TP53BP1: variants seen among roughly 807,000 people sequenced by gnomAD.
The protein encoded by TP53BP1 is tumor protein p53 binding protein 1, also known as TP53-binding protein 1.
In TP53BP1, 61 loss-of-function variants were observed where a neutral mutation model predicts 200.8. That is an observed-to-expected ratio of 0.30 (90% CI 0.25 to 0.38). The LOEUF is 0.38. TP53BP1 is among the 10% of genes least tolerant of loss of function. TP53BP1 has a pLI of 1.00. For missense variants in TP53BP1, 2,144 were observed against 2,371.9 expected (o/e 0.90, Z 2.00); for synonymous variants, 822 against 844.3 (o/e 0.97, Z 0.46).
intron 17 of TP53BP1, among the ~76,000 whole-genome samples, chr15:43,430,900 T>C (rs2045653548): frequency 6.6e-6 from 1 of 152,144 alleles, no homozygotes; most frequent in African/African-American, 2.4e-5. Flanking sequence ...ATTAAGACCT[T>C]TTACCTTTTC....
At chr15:43,447,532 T>TA (rs746432158) in intron 12 of TP53BP1, 47 bp from the exon 13 acceptor site, 205 of 1,408,510 alleles carry the variant, frequency 1.5e-4, no homozygotes, top group Middle Eastern at 5.0e-4. Flanking sequence ...AAAAATGATT[T>TA]AAAAAAAACA....
intron 18 of TP53BP1, among the ~76,000 whole-genome samples, chr15:43,425,996 C>T (rs10467909): frequency 0.015 from 2,144 of 147,700 alleles, 59 homozygotes; most frequent in African/African-American, 0.052. Flanking sequence ...ACCCAGGAGG[C>T]GGAGCTTGCA....
Position 43,481,965 on chromosome 15 carries a change from C to A in TP53BP1, c.372-943G>T, listed in dbSNP as rs1383423540. On this transcript the variant is annotated intron_variant, in intron 4 of 27. Coordinates refer to ENST00000382044, the MANE Select transcript of TP53BP1 (RefSeq NM_001141980.3). ...AACACCGACCAGGCACGGTGGCTCA[C>A]GCCTGTAATCCCAGCACTTTGGGAG... Among the ~76,000 whole-genome samples the A allele has an allele frequency of 2.0e-5, 3 of 152,094 alleles. No homozygotes were observed. The East Asian group carries it at 5.8e-4, about 30-fold the overall frequency.
At position 43,432,273 on chromosome 15, in the gene TP53BP1, G is replaced by C; in HGVS notation, c.3596C>G (p.Ala1199Gly). 1 of 1,614,148 alleles carries C rather than the reference G, an allele frequency of 6.2e-7. No homozygotes were observed. Among genetic ancestry groups the C allele is most frequent in the Non-Finnish European group, 8.5e-7 (1 of 1,180,024 alleles). The change falls in exon 17 of 28, where the codon GCC becomes GGC. Residue 1199 changes from alanine to glycine, a missense_variant. Transcript: ENST00000382044. ...TVDQNFGKQD[A>G]TVQTERGSGE... ...ACTCCCCCTCTCAGTCTGAACTGTG[G>C]CATCTTGCTTTCCAAAGTTCTGGTC...
chr15:43,432,656 T>C lies in TP53BP1; in HGVS notation c.3213A>G (p.Pro1071=), dbSNP rs745876071. The C allele has an allele frequency of 8.1e-6, 13 of 1,604,062 alleles. No homozygotes were observed. In the South Asian group the frequency reaches 1.3e-4, roughly 16 times the overall value. ...CTTTCTCCTCTTCTCCTTGAGAACT[T>C]GGAAAGTGGAGCAAGTTCCCCCTGA... is the stretch of plus-strand genomic sequence containing the variant. ...TPIRGNLLHF[P]SSQGEEEKEK... The change falls in exon 17 of 28, where the codon CCA becomes CCG. Residue 1071 remains proline, a synonymous_variant. Coordinates refer to ENST00000382044, the MANE Select transcript of TP53BP1 (RefSeq NM_001141980.3).
chr15:43,477,824 T>C (rs2078906564), intron 7 of TP53BP1, 65 bp from the exon 8 acceptor site: 2 of 1,310,426 alleles, frequency 1.5e-6, no homozygotes, highest in South Asian at 1.9e-5. Flanking sequence ...TAAAAAGCTT[T>C]TCCTGTTTTG....
chr15:43,479,745 A>G (rs1376340113), intron 6 of TP53BP1, 114 bp downstream of exon 6: 4 of 1,347,650 alleles, frequency 3.0e-6, no homozygotes, highest in Middle Eastern at 2.2e-4. Flanking sequence ...ACCTTACTAA[A>G]TTACTTAGAT....
chr15:43,432,065 T>A, intron 17 of TP53BP1, 129 bp downstream of exon 17: 2 of 1,332,458 alleles, frequency 1.5e-6, no homozygotes, highest in Non-Finnish European at 2.0e-6. Context: ...GTTGTTTTTG[T>A]CTTTTAACCA....
At chr15:43,412,468 A>G (rs986287058) in intron 24 of TP53BP1, among the ~76,000 whole-genome samples, 1 of 152,146 alleles carries the variant, frequency 6.6e-6, no homozygotes, top group Admixed American at 6.5e-5. Flanking sequence ...CTCCTAGATC[A>G]CTCATTTTTC....
intron 22 of TP53BP1, 37 bp from the exon 23 acceptor site, chr15:43,415,846 T>C (rs2045253680): frequency 1.3e-6 from 2 of 1,575,870 alleles, no homozygotes; most frequent in East Asian, 2.2e-5. Flanking sequence ...GGTCAAACTC[T>C]ATGGTATGAG....
intron 12 of TP53BP1, among the ~76,000 whole-genome samples, chr15:43,450,016 T>C (rs1043922921): frequency 6.6e-6 from 1 of 152,232 alleles, no homozygotes; most frequent in Non-Finnish European, 1.5e-5. Context: ...TTTCCACATA[T>C]TCCATTATTT....
intron 12 of TP53BP1, among the ~76,000 whole-genome samples, chr15:43,448,190 A>G (rs889297265): frequency 6.6e-6 from 1 of 152,196 alleles, no homozygotes; most frequent in African/African-American, 2.4e-5. Context: ...TTATAAATAG[A>G]AAATATTTGT....
In TP53BP1 at chr15:43,432,183, T is replaced by C. The variant is rs1184524523; in HGVS notation, c.3675+11A>G. On this transcript the variant is annotated intron_variant, in intron 17 of 27. Coordinates refer to ENST00000382044, the MANE Select transcript of TP53BP1 (RefSeq NM_001141980.3). The stretch of plus-strand genomic sequence containing the variant: ...ACAAGGCCTCTGATGCACCCTAGTA[T>C]GTTCTCTCACCTGGCTATGGAGCGA... 3.1e-6 allele frequency: 5 copies of C among 1,611,656 alleles called. No individual in the cohort carries two copies. The South Asian group carries it at 5.5e-5, about 18-fold the overall frequency.
At position 43,432,688 on chromosome 15, in the gene TP53BP1, A is replaced by G; in HGVS notation, c.3192-11T>C. ...TGGAGCAAGTTCCCCCTGAAAATGCAACATATAAAGAAGCCATGTCAATTA... is the reference window on the plus strand; with the variant it reads ...TGGAGCAAGTTCCCCCTGAAAATGCGACATATAAAGAAGCCATGTCAATTA... On this transcript the variant is annotated splice_polypyrimidine_tract_variant and intron_variant, in intron 16 of 27. Transcript: ENST00000382044. 1.9e-6 allele frequency: 3 copies of G among 1,593,646 alleles called. No homozygotes were observed. The highest frequency in any genetic ancestry group is 2.6e-6 in the Non-Finnish European group (3 of 1,169,150).
rs1462023018 is a variant in TP53BP1 at position 43,404,266 on chromosome 15, T to G, written c.*3117A>C. 2 of 864,516 alleles carry G rather than the reference T, an allele frequency of 2.3e-6. No individual in the cohort carries two copies. The highest frequency in any genetic ancestry group is 3.5e-6 in the Non-Finnish European group (2 of 573,784). 53.6% of individuals were successfully genotyped at this position (864,516 alleles called of 1,614,324 possible). A position where few individuals can be genotyped will look rare whatever the true frequency, so the allele number is the denominator to read the frequency against. On this transcript the variant is annotated 3_prime_UTR_variant, in exon 28 of 28. Coordinates refer to ENST00000382044, the MANE Select transcript of TP53BP1 (RefSeq NM_001141980.3). ...ATTTGGTACAAGTCATTTTAGGAACTAATAGAAATAGGAATGTGGGAAGGC... is the reference window on the plus strand; with the variant it reads ...ATTTGGTACAAGTCATTTTAGGAACGAATAGAAATAGGAATGTGGGAAGGC...
At chr15:43,455,795 T>TA (rs1200167620) in intron 12 of TP53BP1, 97 bp downstream of exon 12, 1 of 1,376,356 alleles carries the variant, frequency 7.3e-7, no homozygotes, top group African/African-American at 1.5e-5. Context: ...AAACCAAAGA[T>TA]AGTGTTCACT....
chr15:43,447,502 AAAG>A lies in TP53BP1; in HGVS notation c.2717-20_2717-18del, dbSNP rs1262345564. On this transcript the variant is annotated intron_variant, in intron 12 of 27. Coordinates refer to ENST00000382044, the MANE Select transcript of TP53BP1 (RefSeq NM_001141980.3). ...ATGGGGTTTCTGAAAAAAAAAAAAA[AAAG>A]AAAAAAGAAAGAAAGAAAAAATGAT... 3.4e-6 allele frequency: 5 copies of A among 1,486,322 alleles called. No homozygotes were observed. Among genetic ancestry groups the A allele is most frequent in the East Asian group, 2.4e-5 (1 of 41,196 alleles). The allele number at this position is 1,486,322 out of a possible 1,614,324, so 92.1% of individuals were successfully genotyped here.
At chr15:43,432,740 T>C in intron 16 of TP53BP1, 63 bp from the exon 17 acceptor site, 1 of 1,519,486 alleles carries the variant, frequency 6.6e-7, no homozygotes, top group Non-Finnish European at 8.8e-7. Context: ...AACGTGTGTG[T>C]GTGCGTGTGC....
upstream of TP53BP1, among the ~76,000 whole-genome samples, chr15:43,493,686 T>TA (rs2079160482): frequency 6.6e-6 from 1 of 152,208 alleles, no homozygotes; most frequent in African/African-American, 2.4e-5. Context: ...GGCCTGACAT[T>TA]ACATCTCTGC....
Sources: gnomAD v4.1 joint callset for allele counts (sites outside exome capture counted in the v4.1 genomes callset) on GRCh38, gnomAD v4.1.1 for gene constraint, MANE v1.5 for transcripts, NCBI Gene and HGNC (gene_info 2026-07-23, HGNC 2026-07-21) for gene names.